FHOD1: variants seen among roughly 807,000 people sequenced by gnomAD.
FHOD1 encodes the protein formin homology 2 domain containing 1.
Under a neutral mutation model 111.6 loss-of-function variants are expected in FHOD1, and 89 were observed. That is an observed-to-expected ratio of 0.80 (90% confidence interval 0.67 to 0.95). The LOEUF (loss-of-function observed/expected upper bound fraction) is 0.95, where lower values mean the gene tolerates loss of function less well. Among genes scored for constraint, FHOD1 ranks in the 40% least tolerant of loss-of-function variants. FHOD1 has a pLI of 0.00. For synonymous variants in FHOD1, 618 were observed against 639.0 expected (o/e 0.97, Z 0.50); for missense variants, 1,446 against 1,554.2 (o/e 0.93, Z 1.17).
chr16:67,232,023 A>T lies in FHOD1; in HGVS notation c.2202+16T>A, dbSNP rs2034296778. Reference sequence around the variant, plus strand: ...GGCCAGACCTCCCCCCAACACCCATAGCTGGGTGACCTCACCTCAATGCCA... The same window carrying T: ...GGCCAGACCTCCCCCCAACACCCATTGCTGGGTGACCTCACCTCAATGCCA... On this transcript the variant is annotated intron_variant, in intron 14 of 21. Coordinates refer to ENST00000258201, the MANE Select transcript of FHOD1 (RefSeq NM_013241.3). 6.2e-7 allele frequency: 1 copy of T among 1,613,720 alleles called. No homozygotes were observed. Among genetic ancestry groups the T allele is most frequent in the African/African-American group, 1.3e-5 (1 of 74,940 alleles).
Position 67,247,136 on chromosome 16 carries a change from A to G in FHOD1, c.201+74T>C, listed in dbSNP as rs3852703. On this transcript the variant is annotated intron_variant, in intron 1 of 21. Transcript: ENST00000258201. ...CACTCGCTCCAGCCTCTTCCCGCGG[A>G]GCACCTCCCACCAGTTTTCATGGCG... 0.019 allele frequency: 26,292 copies of G among 1,411,854 alleles called. 3,804 individuals are homozygous for G. The African/African-American group carries it at 0.33, about 18-fold the overall frequency. 87.5% of individuals were successfully genotyped at this position (1,411,854 alleles called of 1,614,324 possible).
At chr16:67,239,688 A>G (rs1057460923) in intron 1 of FHOD1, among the ~76,000 whole-genome samples, 1 of 152,124 alleles carries the variant, frequency 6.6e-6, no homozygotes, top group Non-Finnish European at 1.5e-5. Flanking sequence ...CCTGGCTGAT[A>G]CCTACCTATT....
rs2034163391 is a variant in FHOD1 at position 67,229,575 on chromosome 16, C to T, written c.*61G>A. ...CCAGAATTCTGCTCTGGGCCCTCCT[C>T]ACTCTGTCATCTCCTGCACTGCAGT... is the stretch of plus-strand genomic sequence containing the variant. On this transcript the variant is annotated 3_prime_UTR_variant, in exon 22 of 22. Transcript: ENST00000258201. 2.7e-6 allele frequency: 4 copies of T among 1,473,904 alleles called. No homozygotes were observed. The South Asian group carries it at 3.4e-5, about 13-fold the overall frequency. The allele number at this position is 1,473,904 out of a possible 1,614,324, so 91.3% of individuals were successfully genotyped here. A position where few individuals can be genotyped will look rare whatever the true frequency, so the allele number is the denominator to read the frequency against.
intron 2 of FHOD1, 130 bp downstream of exon 2, chr16:67,239,218 G>T: frequency 1.3e-6 from 1 of 794,466 alleles, no homozygotes; most frequent in Non-Finnish European, 2.1e-6. Context: ...AATTCCCCTG[G>T]CACACTTCCC....
In FHOD1 at chr16:67,245,667, C is replaced by A. The variant is rs555567840; in HGVS notation, c.201+1543G>T. Among the ~76,000 whole-genome samples the A allele has an allele frequency of 1.1e-4, 16 of 152,066 alleles. No individual in the cohort carries two copies. The South Asian group carries it at 3.1e-3, about 30-fold the overall frequency. On this transcript the variant is annotated intron_variant, in intron 1 of 21. Transcript: ENST00000258201. ...GGCTGAGGCACGAGAATTGCTAGAA[C>A]CCGGGAGGTGGAGGTTGCAGTGAGC...
Position 67,238,335 on chromosome 16 carries a change from A to C in FHOD1, c.442-28T>G. 2 of 1,613,942 alleles carry C rather than the reference A, an allele frequency of 1.2e-6. No homozygotes were observed. The highest frequency in any genetic ancestry group is 1.7e-6 in the Non-Finnish European group (2 of 1,179,858). The stretch of plus-strand genomic sequence containing the variant: ...AGAGGCACCATGGGGGAGTTTAGGG[A>C]AGCTTGGGCTACACACTTACCCCCA... On this transcript the variant is annotated intron_variant, in intron 4 of 21. Transcript: ENST00000258201. This position sits in a 1 kb window ranked among gnomAD's most constrained non-coding sequence, Gnocchi z 4.2.
At chr16:67,246,617 G>A (rs2034846345) in intron 1 of FHOD1, among the ~76,000 whole-genome samples, 2 of 152,200 alleles carry the variant, frequency 1.3e-5, no homozygotes, top group African/African-American at 2.4e-5. Flanking sequence ...TTTTACACCC[G>A]TGCAGCCTCC....
At position 67,234,020 on chromosome 16, in the gene FHOD1, C is replaced by T; in HGVS notation, c.1683G>A (p.Glu561=). The change falls in exon 13 of 22, where the codon GAG becomes GAA. Residue 561 remains glutamate (E), a synonymous_variant. Coordinates refer to ENST00000258201, the MANE Select transcript of FHOD1 (RefSeq NM_013241.3). ...GGATGTCTTTCCCAGCCTCCACAGA[C>T]TCTACATTCAGCATGTCCTGGTCTT... ...EDEDQDMLNV[E]SVEAGKDIPA... 6.2e-7 allele frequency: 1 copy of T among 1,613,716 alleles called. No homozygotes were observed. Among genetic ancestry groups the T allele is most frequent in the Non-Finnish European group, 8.5e-7 (1 of 1,180,000 alleles).
intron 2 of FHOD1, 66 bp downstream of exon 2, chr16:67,239,282 G>A (rs1786197314): frequency 2.4e-6 from 3 of 1,242,976 alleles, no homozygotes; most frequent in Non-Finnish European, 3.6e-6. Context: ...CTCAGCTGCT[G>A]ACATTTGAGC....
chr16:67,244,890 C>G (rs1248390591), intron 1 of FHOD1, among the ~76,000 whole-genome samples: 1 of 152,210 alleles, frequency 6.6e-6, no homozygotes, highest in Non-Finnish European at 1.5e-5. Flanking sequence ...GCCAGCAAGA[C>G]AGGCCTGAGT....
intron 1 of FHOD1, among the ~76,000 whole-genome samples, chr16:67,243,425 A>C (rs2034722707): frequency 6.7e-6 from 1 of 149,834 alleles, no homozygotes; most frequent in Admixed American, 6.7e-5. Context: ...TATCACCCAC[A>C]CTGTTCTTGA....
chr16:67,243,003 A>G (rs1301982003), intron 1 of FHOD1, among the ~76,000 whole-genome samples: 3 of 151,462 alleles, frequency 2.0e-5, no homozygotes, highest in Non-Finnish European at 4.4e-5. Context: ...TATTACATAT[A>G]TCTATTATAT....
chr16:67,241,859 C>T (rs1347794062), intron 1 of FHOD1, among the ~76,000 whole-genome samples: 1 of 152,246 alleles, frequency 6.6e-6, no homozygotes. Flanking sequence ...TCAGGCCCAC[C>T]ACGCTGTCCT....
Position 67,236,658 on chromosome 16 carries a change from G to A in FHOD1, c.1218C>T (p.Ser406=), listed in dbSNP as rs1245807834. 1 of 1,610,360 alleles carries A rather than the reference G, an allele frequency of 6.2e-7. No individual in the cohort carries two copies. The highest frequency in any genetic ancestry group is 8.5e-7 in the Non-Finnish European group (1 of 1,178,488). Residue 406 remains serine (S), a synonymous_variant, in exon 11 of 22, where the codon AGC becomes AGT. Transcript: ENST00000258201. ...GGAGACCGGAGGGAGGGCCCACAGG[G>A]CTGGAGGCGGGGCCTGTCAGCAGGG... ...GPALLTGPAS[S]PVGPPSGLQA...
Position 67,229,956 on chromosome 16 carries a change from T to C in FHOD1, c.3249A>G (p.Thr1083=). 2 of 1,614,190 alleles carry C rather than the reference T, an allele frequency of 1.2e-6. No individual in the cohort carries two copies. Among genetic ancestry groups the C allele is most frequent in the South Asian group, 1.1e-5 (1 of 91,088 alleles). Residue 1083 remains threonine (T), a synonymous_variant, in exon 21 of 22, where the codon ACA becomes ACG. Coordinates refer to ENST00000258201, the MANE Select transcript of FHOD1 (RefSeq NM_013241.3). ...CTGGGGATGCAGTGGAGGGCCCCAC[T>C]GTGGGCATGATTGGGGAGCTGCTCT... is the stretch of plus-strand genomic sequence containing the variant. The part of the protein sequence containing the change: ...MVQSSSPIMP[T]VGPSTASPEE...
rs752119367 is a variant in FHOD1, at chr16:67,233,725, C to T, written c.1978G>A (p.Val660Ile). 6.2e-7 allele frequency: 1 copy of T among 1,612,832 alleles called. No individual in the cohort carries two copies. The highest frequency in any genetic ancestry group is 2.2e-5 in the East Asian group (1 of 44,798). ...TCCAGTCGGGCCGTGTCCACTGAGA[C>T]AGGGTCCAGTGAAGCCCAGAGGGTG... is the stretch of plus-strand genomic sequence containing the variant. ...CATLWASLDP[V>I]SVDTARLEHL... Residue 660 changes from valine (V) to isoleucine (I), a missense_variant, in exon 13 of 22, where the codon GTC becomes ATC. Around this residue, in one of 3 missense-constraint regions of FHOD1, gnomAD observed 1,085 missense variants for 1,108.8 expected, o/e 0.98. Coordinates refer to ENST00000258201, the MANE Select transcript of FHOD1 (RefSeq NM_013241.3).
chr16:67,235,017 C>T (rs906132123), intron 11 of FHOD1, among the ~76,000 whole-genome samples: 2 of 152,178 alleles, frequency 1.3e-5, no homozygotes, highest in African/African-American at 4.8e-5. Flanking sequence ...ACCTCAGCCT[C>T]CTGAAGTGCT....
chr16:67,246,447 G>C (rs1008100026), intron 1 of FHOD1, among the ~76,000 whole-genome samples: 1 of 152,196 alleles, frequency 6.6e-6, no homozygotes, highest in African/African-American at 2.4e-5. Context: ...ATCTGGAAAA[G>C]GGCCTCTTTC....
Position 67,241,685 on chromosome 16 carries a change from G to T in FHOD1, c.202-2231C>A, listed in dbSNP as rs1043251648. ...AGTCAGAAAAAGCTCACAAATGAAT[G>T]TGGAATCACAACTTTCACAGTGCTA... is the stretch of plus-strand genomic sequence containing the variant. On this transcript the variant is annotated intron_variant, in intron 1 of 21. Transcript: ENST00000258201. 2.6e-5 allele frequency among the ~76,000 whole-genome samples: 4 copies of T among 152,358 alleles called. No individual in the cohort carries two copies. The East Asian group carries it at 5.8e-4, about 22-fold the overall frequency.
Sources: allele counts gnomAD v4.1 joint callset (sites outside exome capture counted in the v4.1 genomes callset), GRCh38; gene constraint gnomAD v4.1.1; regional missense constraint gnomAD v4.1.1; non-coding constraint Gnocchi (gnomAD v3.1); transcripts MANE v1.5; gene names NCBI Gene and HGNC (gene_info 2026-07-23, HGNC 2026-07-21).